The following PCDH7 variants were observed in gnomAD, a reference collection of about 807,000 sequenced individuals.
PCDH7 encodes protocadherin-7.
PCDH7 carries 17 observed loss-of-function variants against 58.9 expected under a neutral mutation model. The observed-to-expected ratio is 0.29, with a 90% CI of 0.20 to 0.43. PCDH7 has a LOEUF of 0.43. Ranked by LOEUF, PCDH7 falls within the 20% of genes least tolerant of loss-of-function variation. The pLI is 1.00. For synonymous variants in PCDH7, 664 were observed against 616.4 expected (o/e 1.08, Z -1.14); for missense variants, 1,274 against 1,441.0 (o/e 0.88, Z 1.88).
At chr4:30,755,376 C>T (rs1719160676) in intron 1 of PCDH7, among the ~76,000 whole-genome samples, 1 of 152,154 alleles carries the variant, frequency 6.6e-6, no homozygotes, top group African/African-American at 2.4e-5. Flanking sequence ...TATAAACAAA[C>T]TTCTTTTTGG....
At chr4:30,913,474 C>G (rs1742038868) in intron 1 of PCDH7, among the ~76,000 whole-genome samples, 1 of 151,966 alleles carries the variant, frequency 6.6e-6, no homozygotes, top group Non-Finnish European at 1.5e-5. Flanking sequence ...CTTGAACTCT[C>G]TGTGTGGAGA....
intron 3 of PCDH7, among the ~76,000 whole-genome samples, chr4:31,003,374 T>G (rs1752507185): frequency 6.9e-6 from 1 of 144,552 alleles, no homozygotes; most frequent in Non-Finnish European, 1.5e-5. Context: ...ACCACAAAAA[T>G]ACTGTTTTTT....
chr4:30,751,919 T>A (rs1045384434), intron 1 of PCDH7, among the ~76,000 whole-genome samples: 2 of 152,230 alleles, frequency 1.3e-5, no homozygotes, highest in Non-Finnish European at 2.9e-5. Flanking sequence ...CGCTGTCATT[T>A]TTAAAATGGA....
Position 30,721,813 on chromosome 4 carries a change from G to C in PCDH7, c.391G>C (p.Val131Leu), listed in dbSNP as rs1189408207. 6.2e-7 allele frequency: 1 copy of C among 1,612,306 alleles called. No individual in the cohort carries two copies. Among genetic ancestry groups the C allele is most frequent in the African/African-American group, 1.3e-5 (1 of 75,018 alleles). Reference sequence around the variant, plus strand: ...CTGGGTGGACCTGTTTGAGGGTCAGGTCATCGTGCTTGACATCAACGACAA... The same window carrying C: ...CTGGGTGGACCTGTTTGAGGGTCAGCTCATCGTGCTTGACATCAACGACAA... Residue 131 changes from valine (V) to leucine (L), a missense_variant, in exon 1 of 2, where the codon GTC (valine) becomes CTC (leucine). Around this residue, in one of 3 missense-constraint regions of PCDH7, gnomAD observed 212 missense variants for 255.8 expected, o/e 0.83. Coordinates refer to ENST00000361762, the Ensembl canonical transcript of PCDH7. This position sits in a 1 kb window ranked among gnomAD's most constrained non-coding sequence, Gnocchi z 6.7.
At chr4:31,016,872 T>G (rs1753654923) in intron 3 of PCDH7, among the ~76,000 whole-genome samples, 1 of 146,554 alleles carries the variant, frequency 6.8e-6, no homozygotes. Context: ...GTGTGCTGAG[T>G]GTGTGTGCAT....
Position 30,721,596 on chromosome 4 carries a change from G to A in PCDH7, c.174G>A (p.Val58=), listed in dbSNP as rs770841286. The change falls in exon 1 of 2, where the codon GTG becomes GTA. Residue 58 remains valine, a synonymous_variant. Transcript: ENST00000361762. This position sits in a 1 kb window ranked among gnomAD's most constrained non-coding sequence, Gnocchi z 6.7. ...ACGTGGCTTCAGACCTGGGCATCGT[G>A]ACCGGATCGGGTGAGGTGACTTTCA... 6.2e-7 allele frequency: 1 copy of A among 1,611,192 alleles called. No homozygotes were observed. The highest frequency in any genetic ancestry group is 8.5e-7 in the Non-Finnish European group (1 of 1,179,898).
chr4:30,840,494 G>A (rs778640288), intron 1 of PCDH7, among the ~76,000 whole-genome samples: 3 of 151,734 alleles, frequency 2.0e-5, no homozygotes, highest in Non-Finnish European at 2.9e-5. Context: ...TTCCGTTATT[G>A]TATTATCCTT....
At chr4:30,784,946 A>G (rs1189233093) in intron 1 of PCDH7, among the ~76,000 whole-genome samples, 1 of 152,108 alleles carries the variant, frequency 6.6e-6, no homozygotes, top group Non-Finnish European at 1.5e-5. Context: ...ATACTATGAT[A>G]TAACAAGTAA....
Position 31,040,700 on chromosome 4 carries a change from A to G in PCDH7, c.*7+90485A>G, listed in dbSNP as rs147898942. ...GCCTTTACTCATCACATGTTAAACCAACTTCAAAATTCAGTGATGTCCTAA... is the reference window on the plus strand; with the variant it reads ...GCCTTTACTCATCACATGTTAAACCGACTTCAAAATTCAGTGATGTCCTAA... On this transcript the variant is annotated intron_variant, in intron 3 of 3. Transcript: ENST00000509759. Among the ~76,000 whole-genome samples the G allele has an allele frequency of 4.7e-3, 718 of 152,312 alleles. 4 individuals are homozygous for G. The highest frequency in any genetic ancestry group is 0.016 in the African/African-American group (675 of 41,576).
At chr4:30,917,019 A>G (rs1274300534) in intron 1 of PCDH7, among the ~76,000 whole-genome samples, 1 of 152,220 alleles carries the variant, frequency 6.6e-6, no homozygotes, top group Non-Finnish European at 1.5e-5. Flanking sequence ...TAACAAAGTG[A>G]CAGTTACATA....
At chr4:30,986,770 C>G (rs1375728920) in intron 3 of PCDH7, among the ~76,000 whole-genome samples, 1 of 151,966 alleles carries the variant, frequency 6.6e-6, no homozygotes, top group Non-Finnish European at 1.5e-5. Context: ...ATCACGAAGT[C>G]AAGAGATTGA....
At chr4:30,846,088 C>T (rs1731907884) in intron 1 of PCDH7, among the ~76,000 whole-genome samples, 1 of 152,106 alleles carries the variant, frequency 6.6e-6, no homozygotes, top group African/African-American at 2.4e-5. Context: ...TAAAATTTTA[C>T]TTATAGTGAT....
At position 30,721,687 on chromosome 4, in the gene PCDH7, C is replaced by T. The variant is rs754380524; in HGVS notation, c.265C>T (p.Arg89Trp). The change falls in exon 1 of 2, where the codon CGG (arginine) becomes TGG (tryptophan). Residue 89 changes from arginine to tryptophan, a missense_variant. This residue lies in a region of PCDH7 where 212 missense variants were observed against 255.8 expected (regional missense o/e 0.83). Transcript: ENST00000361762. This position sits in a 1 kb window ranked among gnomAD's most constrained non-coding sequence, Gnocchi z 6.7. ...CACTGGCGAGCTGAGCACGAGCGAG[C>T]GGCGCATCGACCGCGAGAAGCTGCC... 2 of 1,613,876 alleles carry T rather than the reference C, an allele frequency of 1.2e-6. No individual in the cohort carries two copies. The highest frequency in any genetic ancestry group is 8.5e-7 in the Non-Finnish European group (1 of 1,180,026).
At chr4:30,791,285 A>G (rs914196778) in intron 1 of PCDH7, among the ~76,000 whole-genome samples, 3 of 152,178 alleles carry the variant, frequency 2.0e-5, no homozygotes, top group African/African-American at 7.2e-5. Flanking sequence ...AACGTGGTTC[A>G]TACATTTACA....
chr4:30,987,353 T>C (rs1487167806), intron 3 of PCDH7, among the ~76,000 whole-genome samples: 2 of 152,102 alleles, frequency 1.3e-5, no homozygotes, highest in Admixed American at 1.3e-4. Flanking sequence ...TACTGGTATG[T>C]CTTTTTTGTA....
chr4:31,116,659 G>C (rs1560239067), intron 3 of PCDH7, among the ~76,000 whole-genome samples: 1 of 152,128 alleles, frequency 6.6e-6, no homozygotes, highest in South Asian at 2.1e-4. Context: ...TTGAATACAG[G>C]AAGTTGAGTA....
intron 3 of PCDH7, among the ~76,000 whole-genome samples, chr4:30,968,115 G>A (rs531965461): frequency 2.0e-5 from 3 of 151,400 alleles, no homozygotes; most frequent in African/African-American, 2.4e-5. Context: ...ACACTATGTC[G>A]TCTCCACTGT....
intron 3 of PCDH7, among the ~76,000 whole-genome samples, chr4:31,011,165 G>C (rs547399104): frequency 3.3e-5 from 5 of 151,984 alleles, no homozygotes; most frequent in Admixed American, 2.0e-4. Flanking sequence ...CAACCACAAG[G>C]TTACAGTTTT....
intron 1 of PCDH7, among the ~76,000 whole-genome samples, chr4:30,904,969 C>T (rs960282516): frequency 1.2e-4 from 18 of 152,152 alleles, no homozygotes; most frequent in African/African-American, 4.3e-4. Context: ...AACCTTCATT[C>T]CACAGAATAT....
Sources: gnomAD v4.1 joint callset for allele counts (sites outside exome capture counted in the v4.1 genomes callset) on GRCh38, gnomAD v4.1.1 for gene constraint, gnomAD v4.1.1 regional missense constraint, Gnocchi (gnomAD v3.1) non-coding constraint, MANE v1.5 for transcripts, NCBI Gene and HGNC (gene_info 2026-07-23, HGNC 2026-07-21) for gene names.